Variants in MYO5B observed in about 807,000 individuals in gnomAD.
MYO5B encodes the protein myosin VB.
A neutral mutation model predicts 229.3 loss-of-function variants in MYO5B; 143 were observed. The observed-to-expected ratio is 0.62, with a 90% CI of 0.54 to 0.72. MYO5B has a LOEUF of 0.72. Ranked by LOEUF, MYO5B falls within the 30% of genes least tolerant of loss-of-function variation. The pLI is 0.00. For synonymous variants in MYO5B, 918 were observed against 885.2 expected, an observed-to-expected ratio of 1.04 and a Z score of -0.66; for missense variants, 2,321 against 2,331.0, an observed-to-expected ratio of 1.00 and a Z score of 0.09.
At chr18:50,142,302 T>G (rs577595844) in intron 1 of MYO5B, among the ~76,000 whole-genome samples, 1 of 152,344 alleles carries the variant, frequency 6.6e-6, no homozygotes, top group East Asian at 1.9e-4. Context: ...AAATGTGTTA[T>G]CAGAAATGTT....
intron 10 of MYO5B, among the ~76,000 whole-genome samples, chr18:49,966,428 G>A (rs1274111966): frequency 6.6e-6 from 1 of 152,098 alleles, no homozygotes; most frequent in Non-Finnish European, 1.5e-5. Flanking sequence ...CTTGAATTGG[G>A]GCCCTTCCAG....
At chr18:50,034,958 C>A (rs1295628619) in intron 4 of MYO5B, among the ~76,000 whole-genome samples, 1 of 152,124 alleles carries the variant, frequency 6.6e-6, no homozygotes, top group Non-Finnish European at 1.5e-5. Context: ...CTTTAACATC[C>A]AAACTCTCTA....
chr18:49,974,086 AG>A (rs2144280822), intron 10 of MYO5B, among the ~76,000 whole-genome samples: 1 of 152,326 alleles, frequency 6.6e-6, no homozygotes, highest in African/African-American at 2.4e-5. Flanking sequence ...TGACGCTTAC[AG>A]GGTTTCTCAT....
intron 1 of MYO5B, among the ~76,000 whole-genome samples, chr18:50,134,427 T>C (rs1028572595): frequency 1.3e-5 from 2 of 151,842 alleles, no homozygotes; most frequent in African/African-American, 4.8e-5. Flanking sequence ...TGGTGGCAGG[T>C]ACCTGTAATC....
rs2024879091 is a variant in MYO5B, at chr18:49,904,671, C to T, written c.2571+1G>A. On this transcript the variant is annotated splice_donor_variant, in intron 20 of 39. Transcript: ENST00000285039. LOFTEE classifies it high-confidence loss of function. ...CTGAGGCCCTCAGAGTGGCTACTCA[C>T]CTGGCGGTAGGTTCTCCGCACAAAC... 6.2e-7 allele frequency: 1 copy of T among 1,613,674 alleles called. No homozygotes were observed. The highest frequency in any genetic ancestry group is 8.5e-7 in the Non-Finnish European group (1 of 1,180,040).
chr18:50,049,594 C>A (rs1416089183), intron 2 of MYO5B, among the ~76,000 whole-genome samples: 1 of 152,198 alleles, frequency 6.6e-6, no homozygotes, highest in African/African-American at 2.4e-5. Context: ...TCACTGTTAA[C>A]ATCTGGGGCT....
In MYO5B at chr18:49,853,598, C is replaced by A; in HGVS notation, c.4072G>T (p.Val1358Leu). ...TCGAGCTGAGCCTTGAGATGCTCCACCTCCTCCTCATGCTCCAGGCTCTGG... is the reference window on the plus strand; with the variant it reads ...TCGAGCTGAGCCTTGAGATGCTCCAACTCCTCCTCATGCTCCAGGCTCTGG... The part of the protein sequence containing the change: ...QAQSLEHEEE[V>L]EHLKAQLEAL... Residue 1358 changes from valine (V) to leucine (L), a missense_variant, in exon 31 of 40, where the codon GTG (valine) becomes TTG (leucine). Around this residue, in one of 2 missense-constraint regions of MYO5B, gnomAD observed 2,113 missense variants for 2,044.7 expected, o/e 1.03. Transcript: ENST00000285039. The A allele has an allele frequency of 6.2e-7, 1 of 1,614,078 alleles. No individual in the cohort carries two copies. Among genetic ancestry groups the A allele is most frequent in the Non-Finnish European group, 8.5e-7 (1 of 1,180,030 alleles).
At chr18:50,146,894 G>A (rs541376073) in intron 1 of MYO5B, among the ~76,000 whole-genome samples, 1 of 152,306 alleles carries the variant, frequency 6.6e-6, no homozygotes, top group South Asian at 2.1e-4. Context: ...AGTGGGGGTA[G>A]AGAAAGGGCA....
Position 50,052,307 on chromosome 18 carries a change from A to G in MYO5B, c.138+2961T>C, listed in dbSNP as rs186122426. 1.1e-3 allele frequency among the ~76,000 whole-genome samples: 170 copies of G among 151,286 alleles called. 2 individuals are homozygous for G. In the East Asian group the frequency reaches 0.019, roughly 17 times the overall value. On this transcript the variant is annotated intron_variant, in intron 2 of 39. Coordinates refer to ENST00000285039, the MANE Select transcript of MYO5B (RefSeq NM_001080467.3). Reference sequence around the variant, plus strand: ...ATAGCAAAGACTTGGAACCAACCCAAATGTCCAACAATGATAGACTGGATT... The same window carrying G: ...ATAGCAAAGACTTGGAACCAACCCAGATGTCCAACAATGATAGACTGGATT...
intron 1 of MYO5B, among the ~76,000 whole-genome samples, chr18:50,164,277 G>A (rs2032811898): frequency 6.6e-6 from 1 of 152,148 alleles, no homozygotes; most frequent in African/African-American, 2.4e-5. Context: ...TCTATTTCAG[G>A]CCTCCTTAAG....
chr18:49,912,553 G>T (rs2024970179), intron 17 of MYO5B, among the ~76,000 whole-genome samples: 1 of 152,182 alleles, frequency 6.6e-6, no homozygotes, highest in African/African-American at 2.4e-5. Context: ...AATCATGGGT[G>T]TGGTTTCCCC....
At chr18:49,963,136 A>C (rs1268463256) in intron 10 of MYO5B, 106 bp from the exon 11 acceptor site, 1 of 851,946 alleles carries the variant, frequency 1.2e-6, no homozygotes, top group African/African-American at 1.7e-5. Context: ...GCCACTACAG[A>C]ATCCCCATTG....
intron 1 of MYO5B, among the ~76,000 whole-genome samples, chr18:50,142,975 CAACT>C (rs1599052782): frequency 6.6e-6 from 1 of 152,312 alleles, no homozygotes; most frequent in Non-Finnish European, 1.5e-5. Context: ...GATGAATTAC[CAACT>C]GAGTTCACTG....
At chr18:50,109,627 C>T (rs112084811) in intron 1 of MYO5B, among the ~76,000 whole-genome samples, 1 of 151,962 alleles carries the variant, frequency 6.6e-6, no homozygotes, top group Non-Finnish European at 1.5e-5. Context: ...AGGGTCTCAC[C>T]GCATTAGCCA....
intron 4 of MYO5B, among the ~76,000 whole-genome samples, chr18:50,011,572 G>A (rs936223403): frequency 1.3e-5 from 2 of 151,974 alleles, no homozygotes; most frequent in Admixed American, 6.6e-5. Context: ...CTGCCTTCCC[G>A]AGGGATGGCT....
intron 16 of MYO5B, among the ~76,000 whole-genome samples, chr18:49,934,972 A>G (rs1598893790): frequency 6.6e-6 from 1 of 152,226 alleles, no homozygotes; most frequent in South Asian, 2.1e-4. Flanking sequence ...GGTGCTTAAA[A>G]AATTTAAAAA....
intron 17 of MYO5B, among the ~76,000 whole-genome samples, chr18:49,924,369 C>CT (rs2025107191): frequency 1.3e-5 from 2 of 152,166 alleles, no homozygotes; most frequent in Admixed American, 6.5e-5. Flanking sequence ...TATGATCATT[C>CT]TTTTTAAGGA....
At chr18:49,905,735 G>A (rs933771794) in intron 19 of MYO5B, among the ~76,000 whole-genome samples, 6 of 152,154 alleles carry the variant, frequency 3.9e-5, no homozygotes, top group Admixed American at 2.6e-4. Flanking sequence ...CCTAACAACC[G>A]AGGGTAGGGT....
chr18:49,839,002 T>C, intron 36 of MYO5B, 142 bp downstream of exon 36: 1 of 990,330 alleles, frequency 1.0e-6, no homozygotes, highest in South Asian at 1.3e-5. Context: ...CACACCTCAG[T>C]TCTGCCTTCA....
Sources: allele counts gnomAD v4.1 joint callset (sites outside exome capture counted in the v4.1 genomes callset), GRCh38; gene constraint gnomAD v4.1.1; regional missense constraint gnomAD v4.1.1; transcripts MANE v1.5; gene names NCBI Gene and HGNC (gene_info 2026-07-23, HGNC 2026-07-21).